Variants in MYO5C observed in about 807,000 individuals in gnomAD.
The protein encoded by MYO5C is myosin VC.
A neutral mutation model predicts 235.7 loss-of-function variants in MYO5C; 194 were observed. That is an observed-to-expected ratio of 0.82 (90% CI 0.73 to 0.93). The LOEUF is 0.93. Ranked by LOEUF, MYO5C falls within the 40% of genes least tolerant of loss-of-function variation. MYO5C has a pLI of 0.00. For synonymous variants in MYO5C, 707 were observed against 754.8 expected (o/e 0.94, Z 1.04); for missense variants, 2,038 against 2,127.2 (o/e 0.96, Z 0.82).
chr15:52,260,816 T>C, intron 10 of MYO5C, 46 bp downstream of exon 10: 1 of 1,595,562 alleles, frequency 6.3e-7, no homozygotes, highest in Non-Finnish European at 8.6e-7. Flanking sequence ...CATGCGGCTC[T>C]CAACATTTAA....
intron 1 of MYO5C, among the ~76,000 whole-genome samples, chr15:52,289,676 C>T (rs1018487391): frequency 1.3e-5 from 2 of 151,968 alleles, no homozygotes; most frequent in Non-Finnish European, 2.9e-5. Context: ...CCAGGCTGAG[C>T]ACGAGGTTTC....
intron 4 of MYO5C, chr15:52,277,848 T>G (rs1382881201): frequency 6.6e-6 from 3 of 455,366 alleles, no homozygotes; most frequent in Non-Finnish European, 1.3e-5. Flanking sequence ...TTCTACCTCA[T>G]GTAAGCACCA....
intron 1 of MYO5C, among the ~76,000 whole-genome samples, chr15:52,287,805 C>T (rs898098925): frequency 2.0e-5 from 3 of 152,008 alleles, no homozygotes; most frequent in Admixed American, 6.6e-5. Context: ...GGAGAAACCC[C>T]GTCTCTACTA....
At chr15:52,265,180 A>C (rs953158382) in intron 8 of MYO5C, 10 of 152,236 alleles carry the variant, frequency 6.6e-5, no homozygotes, top group African/African-American at 1.9e-4. Context: ...AATTATGACT[A>C]CATACCATAT....
intron 35 of MYO5C, among the ~76,000 whole-genome samples, chr15:52,211,076 C>T (rs545324736): frequency 3.9e-5 from 6 of 152,194 alleles, no homozygotes; most frequent in Non-Finnish European, 7.3e-5. Flanking sequence ...CCAATAAGGA[C>T]ACCGACTTAG....
chr15:52,239,676 A>AG, intron 21 of MYO5C, 57 bp downstream of exon 21: 1 of 1,531,998 alleles, frequency 6.5e-7, no homozygotes, highest in Non-Finnish European at 8.8e-7. Flanking sequence ...CTGCTCCAGA[A>AG]CAAACTACAG....
At chr15:52,222,126 A>T (rs776962449) in intron 29 of MYO5C, among the ~76,000 whole-genome samples, 1 of 152,210 alleles carries the variant, frequency 6.6e-6, no homozygotes, top group Non-Finnish European at 1.5e-5. Flanking sequence ...CTAAGCTACG[A>T]TGCTTGGTAG....
In MYO5C at chr15:52,247,447, C is replaced by T. The variant is rs142120789; in HGVS notation, c.1881+11G>A. On this transcript the variant is annotated intron_variant, in intron 15 of 40. Transcript: ENST00000261839. Reference sequence around the variant, plus strand: ...CTTTAGACCCCTCACTCTCAAACACCTTCTCAGTACCTTGCTCCCAACTGT... The same window carrying T: ...CTTTAGACCCCTCACTCTCAAACACTTTCTCAGTACCTTGCTCCCAACTGT... The T allele has an allele frequency of 2.1e-3, 3,367 of 1,613,490 alleles. 7 individuals carry two copies. The highest frequency in any genetic ancestry group is 5.1e-3 in the Middle Eastern group (31 of 6,060).
chr15:52,232,310 AAGGAG>A (rs2035978703), intron 24 of MYO5C, among the ~76,000 whole-genome samples: 1 of 7,880 alleles, frequency 1.3e-4, no homozygotes, highest in Admixed American at 1.2e-3. Flanking sequence ...AGAAGGAAGG[AAGGAG>A]AGAAGGAAGG....
chr15:52,256,593 G>GCGCGC lies in MYO5C; in HGVS notation c.1395+41_1395+45dup, dbSNP rs1555417678. ...CACACACACACACACACACACGCGC[G>GCGCGC]CGCGCGCGGCTGAGAACTAGTCAAG... On this transcript the variant is annotated intron_variant, in intron 11 of 40. Transcript: ENST00000261839. The GCGCGC allele has an allele frequency of 2.4e-6, 3 of 1,275,598 alleles. No homozygotes were observed. In the East Asian group the frequency reaches 9.7e-5, roughly 41 times the overall value. 79.0% of individuals were successfully genotyped at this position (1,275,598 alleles called of 1,614,324 possible).
At chr15:52,260,729 A>C in intron 10 of MYO5C, 133 bp downstream of exon 10, 1 of 1,000,300 alleles carries the variant, frequency 1.0e-6, no homozygotes, top group East Asian at 2.6e-5. Context: ...CTTAGCATCT[A>C]TAGGGGCAAA....
intron 1 of MYO5C, among the ~76,000 whole-genome samples, chr15:52,294,775 T>C (rs867710378): frequency 1.4e-4 from 22 of 152,206 alleles, no homozygotes; most frequent in African/African-American, 5.3e-4. Flanking sequence ...TTGGGACATA[T>C]GTGGGAACGC....
chr15:52,223,752 C>T (rs1244832858), intron 28 of MYO5C, 28 bp from the exon 29 acceptor site: 1 of 1,598,570 alleles, frequency 6.3e-7, no homozygotes. Context: ...AAGAAATAAA[C>T]CACATGGCCT....
At chr15:52,219,722 G>T (rs931854296) in intron 31 of MYO5C, 37 bp downstream of exon 31, 2 of 1,520,098 alleles carry the variant, frequency 1.3e-6, no homozygotes, top group Non-Finnish European at 1.8e-6. Flanking sequence ...AGCATTACAC[G>T]AGCATGAACT....
At chr15:52,286,305 G>C (rs1418191554) in intron 1 of MYO5C, among the ~76,000 whole-genome samples, 1 of 149,922 alleles carries the variant, frequency 6.7e-6, no homozygotes, top group Non-Finnish European at 1.5e-5. Flanking sequence ...CGCCCCGTCC[G>C]GGAGGGAGGT....
At chr15:52,268,843 T>C (rs986090090) in intron 8 of MYO5C, among the ~76,000 whole-genome samples, 1 of 152,232 alleles carries the variant, frequency 6.6e-6, no homozygotes, top group Non-Finnish European at 1.5e-5. Context: ...AATGAGATGC[T>C]TGAAGACCCT....
At chr15:52,230,237 C>T (rs1052668637) in intron 24 of MYO5C, among the ~76,000 whole-genome samples, 6 of 152,182 alleles carry the variant, frequency 3.9e-5, no homozygotes, top group African/African-American at 1.2e-4. Context: ...CCCAACACAG[C>T]CCACAGGGGC....
chr15:52,229,255 A>G lies in MYO5C; in HGVS notation c.3085T>C (p.Leu1029=). 6.2e-7 allele frequency: 1 copy of G among 1,614,170 alleles called. No homozygotes were observed. Among genetic ancestry groups the G allele is most frequent in the Non-Finnish European group, 8.5e-7 (1 of 1,180,032 alleles). ...TQDYEKQIQS[L]KEEIKALKDE... ...TTGAGAGCTTTAATTTCTTCTTTCA[A>G]AGACTGAATCTGCTTCTCATAGTCT... The change falls in exon 25 of 41, where the codon TTG becomes CTG. Residue 1029 remains leucine, a synonymous_variant. Coordinates refer to ENST00000261839, the MANE Select transcript of MYO5C (RefSeq NM_018728.4).
At chr15:52,226,046 A>G (rs1596160598) in intron 25 of MYO5C, among the ~76,000 whole-genome samples, 1 of 138,460 alleles carries the variant, frequency 7.2e-6, no homozygotes, top group Non-Finnish European at 1.5e-5. Context: ...GCAAAACTCC[A>G]CCTCGAAAAA....
Sources: allele counts gnomAD v4.1 joint callset (sites outside exome capture counted in the v4.1 genomes callset), GRCh38; gene constraint gnomAD v4.1.1; transcripts MANE v1.5; gene names NCBI Gene and HGNC (gene_info 2026-07-23, HGNC 2026-07-21).